DIP2C: variants seen among roughly 807,000 people sequenced by gnomAD.
DIP2C encodes the protein DIP2 acetate--CoA ligase C (putative).
Under a neutral mutation model 192.4 loss-of-function variants are expected in DIP2C, and 33 were observed. The ratio of observed to expected loss-of-function variants is 0.17; its 90% CI spans 0.13 to 0.23. The LOEUF is 0.23. Among genes scored for constraint, DIP2C ranks in the 10% least tolerant of loss-of-function variants. The probability of loss-of-function intolerance (pLI) is 1.00; values close to 1 mark genes in which losing one functional copy is unlikely to be tolerated. For synonymous variants in DIP2C, 979 were observed against 864.1 expected (o/e 1.13, Z -2.33); for missense variants, 1,537 against 2,110.1 (o/e 0.73, Z 5.32).
At chr10:460,544 T>C (rs1390523487) in intron 3 of DIP2C, among the ~76,000 whole-genome samples, 1 of 152,168 alleles carries the variant, frequency 6.6e-6, no homozygotes, top group Non-Finnish European at 1.5e-5. Context: ...ATTAACTAGG[T>C]CAATTATGTA....
chr10:660,638 A>G (rs1269711075), intron 1 of DIP2C, among the ~76,000 whole-genome samples: 3 of 152,234 alleles, frequency 2.0e-5, no homozygotes. Context: ...CTGCTTTTCA[A>G]GGGCACAATG....
intron 1 of DIP2C, among the ~76,000 whole-genome samples, chr10:515,646 C>G (rs1437289297): frequency 6.6e-6 from 1 of 152,146 alleles, no homozygotes; most frequent in Non-Finnish European, 1.5e-5. Flanking sequence ...ACTGCCTGAA[C>G]CCGGGAGGCA....
At chr10:332,400 CCATA>C (rs1957545289) in intron 29 of DIP2C, among the ~76,000 whole-genome samples, 3 of 152,156 alleles carry the variant, frequency 2.0e-5, no homozygotes, top group Admixed American at 2.0e-4. Context: ...CTCCTCATCA[CCATA>C]AATAAGAAAT....
At chr10:606,883 G>T (rs931941501) in intron 1 of DIP2C, among the ~76,000 whole-genome samples, 1 of 152,164 alleles carries the variant, frequency 6.6e-6, no homozygotes, top group African/African-American at 2.4e-5. Flanking sequence ...TGTGAAGCTG[G>T]AGGCCTGTCA....
At chr10:575,495 C>G (rs577277843) in intron 1 of DIP2C, among the ~76,000 whole-genome samples, 1 of 152,330 alleles carries the variant, frequency 6.6e-6, no homozygotes. Flanking sequence ...AAAAGTCTCT[C>G]AACTTCGACA....
intron 29 of DIP2C, among the ~76,000 whole-genome samples, chr10:332,809 C>T (rs1234973612): frequency 6.6e-6 from 1 of 152,260 alleles, no homozygotes; most frequent in Non-Finnish European, 1.5e-5. Context: ...AGGTTCATCT[C>T]ACCTGGGGGT....
chr10:456,371 T>A (rs1341835210), intron 3 of DIP2C, among the ~76,000 whole-genome samples: 1 of 122,940 alleles, frequency 8.1e-6, no homozygotes, highest in Non-Finnish European at 1.6e-5. Flanking sequence ...GTAAATGAGA[T>A]GAGAACACTC....
intron 1 of DIP2C, among the ~76,000 whole-genome samples, chr10:541,043 CCGA>C: frequency 9.7e-6 from 1 of 103,498 alleles, no homozygotes; most frequent in Middle Eastern, 5.0e-3. Context: ...GCCACAACAC[CCGA>C]TGCTGGGGAG....
At chr10:589,306 G>T (rs907083770) in intron 1 of DIP2C, among the ~76,000 whole-genome samples, 7 of 151,908 alleles carry the variant, frequency 4.6e-5, no homozygotes, top group African/African-American at 4.8e-5. Context: ...ATTCCCTAGG[G>T]GTGTCTTTTA....
At chr10:659,956 GGA>G (rs1197517518) in intron 1 of DIP2C, among the ~76,000 whole-genome samples, 1 of 152,202 alleles carries the variant, frequency 6.6e-6, no homozygotes, top group Non-Finnish European at 1.5e-5. Context: ...AACAGCCTTA[GGA>G]GAGAATCTCA....
In DIP2C at chr10:650,694, C is replaced by T. The variant is rs368014786; in HGVS notation, c.85+38800G>A. 50 of 621,208 alleles carry T rather than the reference C, an allele frequency of 8.0e-5. No homozygotes were observed. The African/African-American group carries it at 8.7e-4, about 11-fold the overall frequency. 38.5% of individuals were successfully genotyped at this position (621,208 alleles called of 1,614,324 possible). On this transcript the variant is annotated intron_variant, in intron 1 of 36. Transcript: ENST00000280886. ...GCAAGGGGCCTCCCAGCCTTAGAGC[C>T]CAGATGGCTTCTGGCCAGAGTGCTC... is the stretch of plus-strand genomic sequence containing the variant.
intron 1 of DIP2C, among the ~76,000 whole-genome samples, chr10:598,383 AATG>A (rs1851844101): frequency 6.6e-6 from 1 of 152,242 alleles, no homozygotes; most frequent in Non-Finnish European, 1.5e-5. Flanking sequence ...CCTTCAAATC[AATG>A]AAGAATCACA....
At chr10:500,492 A>G (rs1845147471) in intron 1 of DIP2C, among the ~76,000 whole-genome samples, 6 of 152,242 alleles carry the variant, frequency 3.9e-5, no homozygotes, top group Admixed American at 3.9e-4. Flanking sequence ...GAGAATTTCC[A>G]AATGCCATAG....
At chr10:372,539 T>C (rs112704730) in intron 17 of DIP2C, among the ~76,000 whole-genome samples, 21 of 152,360 alleles carry the variant, frequency 1.4e-4, no homozygotes, top group Non-Finnish European at 2.9e-4. Context: ...TTAGCCACGT[T>C]AACCTTCATT....
Position 651,143 on chromosome 10 carries a change from G to A in DIP2C, c.85+38351C>T, listed in dbSNP as rs370122680. On this transcript the variant is annotated intron_variant, in intron 1 of 36. Coordinates refer to ENST00000280886, the MANE Select transcript of DIP2C (RefSeq NM_014974.3). The surrounding 1 kb of genome is among the most constrained non-coding windows in gnomAD (Gnocchi z 4.1). ...CACACTCAGTCAATGTCCACTGGGG[G>A]CCTCAGGGGCACCTCCACCTGCCCA... The A allele has an allele frequency of 1.3e-5, 9 of 717,494 alleles. No individual in the cohort carries two copies. The highest frequency in any genetic ancestry group is 7.0e-5 in the African/African-American group (4 of 57,380). The allele number at this position is 717,494 out of a possible 1,614,324, so 44.4% of individuals were successfully genotyped here.
intron 1 of DIP2C, among the ~76,000 whole-genome samples, chr10:565,354 T>TAAAATAAAAAAAAAAA (rs376030794): frequency 1.6e-4 from 18 of 114,074 alleles, no homozygotes; most frequent in African/African-American, 6.8e-4. Context: ...ACCTGCATTC[T>TAAAATAAAAAAAAAAA]AAAAAAAAAA....
At position 677,589 on chromosome 10, in the gene DIP2C, C is replaced by G. The variant is rs551200135; in HGVS notation, c.85+11905G>C. ...CCTTTATGTTACTTTTAAAGTAGTC[C>G]CAGTTATTATACATAGTTGAAGCCA... On this transcript the variant is annotated intron_variant, in intron 1 of 36. Transcript: ENST00000280886. Among the ~76,000 whole-genome samples the G allele has an allele frequency of 1.6e-4, 25 of 152,290 alleles. 1 individual carries two copies. The East Asian group carries it at 3.3e-3, about 20-fold the overall frequency.
rs534913003 is a variant in DIP2C, at chr10:436,900, GCT to G, written c.394+3969_394+3970del. Among the ~76,000 whole-genome samples the G allele has an allele frequency of 5.9e-4, 80 of 136,312 alleles. 1 individual carries two copies. The highest frequency in any genetic ancestry group is 1.8e-3 in the East Asian group (8 of 4,364). The allele number at this position is 136,312 out of a possible 152,430, so 89.4% of individuals were successfully genotyped here. A position where few individuals can be genotyped will look rare whatever the true frequency, so the allele number is the denominator to read the frequency against. On this transcript the variant is annotated intron_variant, in intron 4 of 36. Coordinates refer to ENST00000280886, the MANE Select transcript of DIP2C (RefSeq NM_014974.3). ...GGTGATATGCTCCGCCCACACCTGA[GCT>G]CTCTCTGAGCTCCGCCTCCTGGACG...
rs1302595546 is a variant in DIP2C, at chr10:363,507, C to T, written c.2478-196G>A. Among the ~76,000 whole-genome samples the T allele has an allele frequency of 2.6e-5, 4 of 152,148 alleles. No homozygotes were observed. Among genetic ancestry groups the T allele is most frequent in the Non-Finnish European group, 4.4e-5 (3 of 68,028 alleles). ...TGTGGGAGGCGCCCAGGGATGCTGC[C>T]GAGGCAAGGTCACCCTGATCCCCAC... On this transcript the variant is annotated intron_variant, in intron 20 of 36. Transcript: ENST00000280886. This position sits in a 1 kb window ranked among gnomAD's most constrained non-coding sequence, Gnocchi z 5.4.
Sources: gnomAD v4.1 joint callset for allele counts (sites outside exome capture counted in the v4.1 genomes callset) on GRCh38, gnomAD v4.1.1 for gene constraint, Gnocchi (gnomAD v3.1) non-coding constraint, MANE v1.5 for transcripts, NCBI Gene and HGNC (gene_info 2026-07-23, HGNC 2026-07-21) for gene names.